Variants in SLC4A4 observed in about 807,000 individuals in gnomAD.
The protein encoded by SLC4A4 is electrogenic sodium bicarbonate cotransporter 1.
SLC4A4 carries 27 observed loss-of-function variants against 111.5 expected under a neutral mutation model. That is an observed-to-expected ratio of 0.24 (90% CI 0.18 to 0.33). SLC4A4 has a LOEUF of 0.33. Among genes scored for constraint, SLC4A4 ranks in the 10% least tolerant of loss-of-function variants. SLC4A4 has a pLI of 1.00. For synonymous variants in SLC4A4, 443 were observed against 463.4 expected (o/e 0.96, Z 0.57); for missense variants, 909 against 1,315.5 (o/e 0.69, Z 4.78).
At chr4:71,498,016 T>C (rs1192828288) in intron 16 of SLC4A4, among the ~76,000 whole-genome samples, 1 of 152,204 alleles carries the variant, frequency 6.6e-6, no homozygotes, top group Admixed American at 6.5e-5. Context: ...TCATTGTGTT[T>C]AAGTACATAA....
At chr4:71,473,676 T>A (rs943620672) in intron 14 of SLC4A4, among the ~76,000 whole-genome samples, 1 of 151,724 alleles carries the variant, frequency 6.6e-6, no homozygotes, top group Non-Finnish European at 1.5e-5. Context: ...ATACCAAACA[T>A]GAGTTGACAT....
At chr4:71,089,682 G>T (rs921388810) in intron 1 of SLC4A4, among the ~76,000 whole-genome samples, 1 of 151,996 alleles carries the variant, frequency 6.6e-6, no homozygotes, top group African/African-American at 2.4e-5. Flanking sequence ...TGTTTGCCTA[G>T]GTATCTGCAG....
chr4:71,466,621 G>A (rs751284167), intron 13 of SLC4A4, 44 bp downstream of exon 13: 1 of 1,580,528 alleles, frequency 6.3e-7, no homozygotes, highest in Non-Finnish European at 8.7e-7. Flanking sequence ...TTGCTTAATT[G>A]TAGAACCTTT....
rs574529656 is a variant in SLC4A4 at position 71,544,128 on chromosome 4, G to A, written c.2443-2222G>A. Among the ~76,000 whole-genome samples the A allele has an allele frequency of 3.9e-5, 6 of 152,102 alleles. No individual in the cohort carries two copies. The South Asian group carries it at 1.0e-3, about 26-fold the overall frequency. The stretch of plus-strand genomic sequence containing the variant: ...TACATAATTTCAGAATTAGTGTGAC[G>A]AGTGTTGTGATAGAGGAAGTCATAA... On this transcript the variant is annotated intron_variant, in intron 18 of 25. Transcript: ENST00000264485.
chr4:71,563,621 G>A (rs1737184571), intron 23 of SLC4A4, among the ~76,000 whole-genome samples, 172 bp from the exon 24 acceptor site: 1 of 151,836 alleles, frequency 6.6e-6, no homozygotes, highest in Non-Finnish European at 1.5e-5. Context: ...GAAAACAAAT[G>A]TGAGGGGGAA....
intron 12 of SLC4A4, among the ~76,000 whole-genome samples, chr4:71,462,249 A>G (rs1726900369): frequency 6.6e-6 from 1 of 152,126 alleles, no homozygotes; most frequent in Middle Eastern, 3.4e-3. Flanking sequence ...TTATCCCGTG[A>G]AGTAGCTATT....
At chr4:71,450,829 C>T (rs930307038) in intron 10 of SLC4A4, among the ~76,000 whole-genome samples, 2 of 152,164 alleles carry the variant, frequency 1.3e-5, no homozygotes, top group Non-Finnish European at 2.9e-5. Context: ...GTTTTGGGGA[C>T]CCCCTGTATA....
intron 6 of SLC4A4, among the ~76,000 whole-genome samples, chr4:71,379,221 CCCTAG>C (rs1717856995): frequency 6.6e-6 from 1 of 152,154 alleles, no homozygotes; most frequent in Non-Finnish European, 1.5e-5. Context: ...GGTTCATGTT[CCCTAG>C]CCTGGCTAAT....
At chr4:71,427,839 C>T (rs1481735892) in intron 7 of SLC4A4, among the ~76,000 whole-genome samples, 1 of 152,080 alleles carries the variant, frequency 6.6e-6, no homozygotes, top group Non-Finnish European at 1.5e-5. Flanking sequence ...TTCACAGTCT[C>T]AGAGATACCC....
rs1414116507 is a variant in SLC4A4 at position 71,208,443 on chromosome 4, A to ATAT, written c.-2+21042_-2+21043insTAT. Among the ~76,000 whole-genome samples, 262 of 144,814 alleles carry ATAT rather than the reference A, an allele frequency of 1.8e-3. 1 individual carries two copies. The highest frequency in any genetic ancestry group is 6.6e-3 in the East Asian group (33 of 4,966). On this transcript the variant is annotated intron_variant, in intron 1 of 25. Transcript: ENST00000264485. Reference sequence around the variant, plus strand: ...GAGACTCCGTCTCAAAAAAAAAAAAAATATATATATATATAATAAAACAAT... The same window carrying ATAT: ...GAGACTCCGTCTCAAAAAAAAAAAAATATATATATATATATATAATAAAACAAT...
chr4:71,445,676 A>G (rs556990478), intron 8 of SLC4A4, among the ~76,000 whole-genome samples: 29 of 152,124 alleles, frequency 1.9e-4, no homozygotes, highest in South Asian at 4.1e-4. Context: ...AAACATGACC[A>G]TCTGTAGTCA....
Position 71,108,338 on chromosome 4 carries a change from T to TG in SLC4A4, c.-2+15547dup, listed in dbSNP as rs139474321. Reference sequence around the variant, plus strand: ...GACCATTCTTGCAGGGCAATTCTAGTGCCTCAATTTTTGTTTATCTGAGAA... The same window carrying TG: ...GACCATTCTTGCAGGGCAATTCTAGTGGCCTCAATTTTTGTTTATCTGAGAA... On this transcript the variant is annotated intron_variant, in intron 2 of 26. Transcript: ENST00000649996. Among the ~76,000 whole-genome samples, 1,326 of 152,340 alleles carry TG rather than the reference T, an allele frequency of 8.7e-3. 9 individuals are homozygous for TG. Among genetic ancestry groups the TG allele is most frequent in the Middle Eastern group, 0.024 (7 of 294 alleles).
chr4:71,081,868 G>T (rs1462317910), intron 1 of SLC4A4, among the ~76,000 whole-genome samples: 1 of 152,038 alleles, frequency 6.6e-6, no homozygotes. Flanking sequence ...GAAGGCTTGT[G>T]CCCCAAAGTT....
chr4:71,417,996 T>C (rs1408778023), intron 7 of SLC4A4, among the ~76,000 whole-genome samples: 1 of 152,204 alleles, frequency 6.6e-6, no homozygotes, highest in Non-Finnish European at 1.5e-5. Context: ...CTGTAAGAAT[T>C]CCAGTAACAT....
chr4:71,086,025 C>T (rs1472184310), intron 1 of SLC4A4, among the ~76,000 whole-genome samples: 4 of 151,982 alleles, frequency 2.6e-5, no homozygotes, highest in African/African-American at 4.8e-5. Flanking sequence ...ATTGATTCTT[C>T]CTACCCATGA....
intron 6 of SLC4A4, among the ~76,000 whole-genome samples, chr4:71,381,783 CTTGGCT>C (rs1718167074): frequency 6.6e-6 from 1 of 152,020 alleles, no homozygotes; most frequent in African/African-American, 2.4e-5. Context: ...GTGGTGTGAT[CTTGGCT>C]CACTAGACTG....
intron 2 of SLC4A4, among the ~76,000 whole-genome samples, chr4:71,122,512 C>A (rs1743460505): frequency 1.3e-5 from 2 of 151,752 alleles, no homozygotes; most frequent in African/African-American, 4.8e-5. Flanking sequence ...CAGAAGAAGA[C>A]AATAGCATTA....
intron 6 of SLC4A4, among the ~76,000 whole-genome samples, chr4:71,382,520 T>C (rs1718252384): frequency 6.6e-6 from 1 of 152,222 alleles, no homozygotes; most frequent in Admixed American, 6.5e-5. Context: ...CGCTTTTTCT[T>C]GGTCTGTGCA....
upstream of SLC4A4, among the ~76,000 whole-genome samples, chr4:71,182,895 C>T (rs1474685314): frequency 1.3e-5 from 2 of 152,130 alleles, no homozygotes; most frequent in African/African-American, 2.4e-5. Flanking sequence ...TTAAGTTTTC[C>T]TTCTCCTTCC....
Sources: gnomAD v4.1 joint callset for allele counts (sites outside exome capture counted in the v4.1 genomes callset) on GRCh38, gnomAD v4.1.1 for gene constraint, MANE v1.5 for transcripts, NCBI Gene and HGNC (gene_info 2026-07-23, HGNC 2026-07-21) for gene names.